Variants in SLC2A7 observed in about 807,000 individuals in gnomAD.
The protein encoded by SLC2A7 is solute carrier family 2 member 7.
In SLC2A7, 50 loss-of-function variants were observed where a neutral mutation model predicts 50.5. The observed-to-expected ratio is 0.99, with a 90% confidence interval of 0.79 to 1.25. The LOEUF (loss-of-function observed/expected upper bound fraction) is 1.25. Ranked by LOEUF, SLC2A7 falls within the 50% of genes most tolerant of loss-of-function variation. The pLI, the probability that SLC2A7 is intolerant of heterozygous loss-of-function variation, is 0.00. For synonymous variants in SLC2A7, 308 were observed against 300.4 expected (o/e 1.03, Z -0.26); for missense variants, 683 against 679.1 (o/e 1.01, Z -0.06).
At chr1:8,992,564 C>T in the SLC2A7 span, among the ~76,000 whole-genome samples, 2 of 151,886 alleles carry the variant, frequency 1.3e-5, no homozygotes, top group African/African-American at 2.4e-5. Flanking sequence ...GCTCATTAAC[C>T]ATCCCCACCT....
chr1:9,013,506 A>T lies in SLC2A7; in HGVS notation c.1014+19T>A, dbSNP rs1640780120. On this transcript the variant is annotated intron_variant, in intron 8 of 11. Transcript: ENST00000400906. ...GGCCAGAGACCCTCCAGCAGGAAGG[A>T]TGCCTCCTGCTCACTCACCGAGGTG... 6.2e-7 allele frequency: 1 copy of T among 1,607,198 alleles called. No homozygotes were observed. The highest frequency in any genetic ancestry group is 8.5e-7 in the Non-Finnish European group (1 of 1,175,492).
At chr1:9,022,179 C>G (rs998180124) in intron 3 of SLC2A7, among the ~76,000 whole-genome samples, 2 of 152,146 alleles carry the variant, frequency 1.3e-5, no homozygotes, top group Admixed American at 6.5e-5. Flanking sequence ...CACTAGAGGG[C>G]CTTCCAGTCA....
At chr1:8,999,580 C>A (rs148977488), downstream of SLC2A7, among the ~76,000 whole-genome samples, 121 of 152,340 alleles carry the variant, frequency 7.9e-4, no homozygotes, top group East Asian at 0.014. Context: ...ACTCAGCCCA[C>A]ACTCTGGTGA....
chr1:9,002,838 C>T (rs147194436), downstream of SLC2A7, among the ~76,000 whole-genome samples: 1,272 of 152,320 alleles, frequency 8.4e-3, 6 homozygotes, highest in Non-Finnish European at 9.1e-3. Context: ...GAGCTGGGCA[C>T]GCAGGCTGGG....
rs1265804082 is a variant in SLC2A7 at position 9,003,306 on chromosome 1, G to T, written c.1533C>A (p.Ser511=). 1.2e-6 allele frequency: 2 copies of T among 1,614,036 alleles called. No homozygotes were observed. Among genetic ancestry groups the T allele is most frequent in the African/African-American group, 2.7e-5 (2 of 74,928 alleles). The part of the protein sequence containing the change: ...PPTASPAKET[S]F ...CGTCCTTCATGCAGGGCCACTAAAA[G>T]GAAGTTTCCTTGGCAGGAGAGGCTG... The change falls in exon 12 of 12, where the codon TCC becomes TCA. Residue 511 remains serine (S), a synonymous_variant. Coordinates refer to ENST00000400906, the MANE Select transcript of SLC2A7 (RefSeq NM_207420.3).
chr1:8,997,934 A>G, the SLC2A7 span, among the ~76,000 whole-genome samples: 1 of 152,124 alleles, frequency 6.6e-6, no homozygotes, highest in South Asian at 2.1e-4. Flanking sequence ...TTTATCTCCT[A>G]TTTAGAAGTT....
intron 8 of SLC2A7, among the ~76,000 whole-genome samples, chr1:9,012,303 T>C (rs1640760868): frequency 6.6e-6 from 1 of 152,202 alleles, no homozygotes; most frequent in Non-Finnish European, 1.5e-5. Flanking sequence ...TTTTCTGGCT[T>C]GGGTTGCTCC....
At chr1:9,018,610 C>G (rs1238865446) in intron 4 of SLC2A7, among the ~76,000 whole-genome samples, 2 of 152,224 alleles carry the variant, frequency 1.3e-5, no homozygotes, top group Admixed American at 6.5e-5. Context: ...CCTTTCTAGC[C>G]ACCGGGCTGG....
At chr1:9,012,910 CAG>C (rs1640766813) in intron 8 of SLC2A7, among the ~76,000 whole-genome samples, 1 of 152,062 alleles carries the variant, frequency 6.6e-6, no homozygotes, top group African/African-American at 2.4e-5. Context: ...GTTTTTGAGA[CAG>C]AGTCTCACTC....
At position 9,003,224 on chromosome 1, in the gene SLC2A7, C is replaced by T. The variant is rs1380608594; in HGVS notation, c.*76G>A. 1 of 1,413,608 alleles carries T rather than the reference C, an allele frequency of 7.1e-7. No individual in the cohort carries two copies. The highest frequency in any genetic ancestry group is 9.8e-7 in the Non-Finnish European group (1 of 1,021,314). 87.6% of individuals were successfully genotyped at this position (1,413,608 alleles called of 1,614,324 possible). On this transcript the variant is annotated 3_prime_UTR_variant, in exon 12 of 12. Transcript: ENST00000400906. Reference sequence around the variant, plus strand: ...AAAGCCTCCGTGCTATTATCCTCCCCAGAGCCTGGGGCCGGGAGGCCCATT... The same window carrying T: ...AAAGCCTCCGTGCTATTATCCTCCCTAGAGCCTGGGGCCGGGAGGCCCATT...
At chr1:9,015,756 C>T (rs1253188335) in intron 5 of SLC2A7, among the ~76,000 whole-genome samples, 1 of 147,242 alleles carries the variant, frequency 6.8e-6, no homozygotes, top group Non-Finnish European at 1.5e-5. Context: ...CAGAGTCTAG[C>T]TCTATCAGCC....
downstream of SLC2A7, among the ~76,000 whole-genome samples, chr1:8,999,977 C>T (rs1313782234): frequency 2.0e-5 from 3 of 152,126 alleles, no homozygotes; most frequent in African/African-American, 7.2e-5. Context: ...TGAAATGCTT[C>T]GTACTTACCA....
chr1:9,013,024 G>GACATT (rs1243221096), intron 8 of SLC2A7, among the ~76,000 whole-genome samples: 2 of 152,114 alleles, frequency 1.3e-5, no homozygotes, highest in African/African-American at 4.8e-5. Context: ...CCAAGTAGCT[G>GACATT]ACATTACAGG....
chr1:8,996,742 G>A, the SLC2A7 span, among the ~76,000 whole-genome samples: 13,042 of 152,090 alleles, frequency 0.086, 623 homozygotes, highest in Middle Eastern at 0.15. Context: ...GTGTCTCATT[G>A]TGGTTTTAAT....
Position 9,015,207 on chromosome 1 carries a change from C to T in SLC2A7, c.625G>A (p.Ala209Thr), listed in dbSNP as rs543583633. The T allele has an allele frequency of 1.1e-5, 17 of 1,607,804 alleles. No individual in the cohort carries two copies. The highest frequency in any genetic ancestry group is 1.7e-4 in the Middle Eastern group (1 of 5,826). The change falls in exon 6 of 12, where the codon GCC (alanine) becomes ACC (threonine). Residue 209 changes from alanine to threonine, a missense_variant. Transcript: ENST00000400906. ...PVLLALTGVP[A>T]LLQLLTLPFF... is the part of the protein sequence containing the mutation. ...GGCAGGGTCAGCAGCTGCAGCAGGG[C>T]GGGCACCCCTGTGAGCGCCAGAAGC...
At position 9,026,181 on chromosome 1, in the gene SLC2A7, G is replaced by A. The variant is rs1640998044; in HGVS notation, c.51+114C>T. ...CAGGCCTGGTTATCCTGAAGAAAAAGGAAGCACGCTACCCGCTCCTTGCTA... is the reference window on the plus strand; with the variant it reads ...CAGGCCTGGTTATCCTGAAGAAAAAAGAAGCACGCTACCCGCTCCTTGCTA... On this transcript the variant is annotated intron_variant, in intron 1 of 11. Transcript: ENST00000400906. 7.7e-6 allele frequency: 9 copies of A among 1,172,246 alleles called. No individual in the cohort carries two copies. In the South Asian group the frequency reaches 7.9e-5, roughly 10 times the overall value. The allele number at this position is 1,172,246 out of a possible 1,614,324, so 72.6% of individuals were successfully genotyped here.
intron 9 of SLC2A7, among the ~76,000 whole-genome samples, chr1:9,009,805 C>T (rs1640718685): frequency 6.6e-6 from 1 of 152,254 alleles, no homozygotes; most frequent in Non-Finnish European, 1.5e-5. Flanking sequence ...CCTTAACCCA[C>T]ACCTGTTCAC....
chr1:9,018,471 T>C (rs188601279), intron 4 of SLC2A7, 96 bp from the exon 5 acceptor site: 1 of 1,512,540 alleles, frequency 6.6e-7, no homozygotes, highest in Non-Finnish European at 8.9e-7. Context: ...GGCTTCTCCA[T>C]GCTGTCAGCC....
the SLC2A7 span, among the ~76,000 whole-genome samples, chr1:8,993,205 C>T: frequency 4.6e-5 from 7 of 152,186 alleles, no homozygotes; most frequent in African/African-American, 1.7e-4. Flanking sequence ...TTTTGAAAAC[C>T]ATCAGGTCTC....
Sources: allele counts gnomAD v4.1 joint callset (sites outside exome capture counted in the v4.1 genomes callset), GRCh38; gene constraint gnomAD v4.1.1; transcripts MANE v1.5; gene names NCBI Gene and HGNC (gene_info 2026-07-23, HGNC 2026-07-21).